Variants in CP observed in about 807,000 individuals in gnomAD.
The protein encoded by CP is caeruloplasmin.
Under a neutral mutation model 122.4 loss-of-function variants are expected in CP, and 64 were observed. The observed-to-expected ratio is 0.52, with a 90% confidence interval of 0.43 to 0.64. The LOEUF (loss-of-function observed/expected upper bound fraction) is 0.64. CP is among the 30% of genes least tolerant of loss of function. CP has a pLI of 0.00. For missense variants in CP, 1,167 were observed against 1,284.4 expected (o/e 0.91, Z 1.40); for synonymous variants, 440 against 436.4 (o/e 1.01, Z -0.10).
At chr3:149,201,557 A>G (rs192469415) in intron 7 of CP, among the ~76,000 whole-genome samples, 1 of 152,068 alleles carries the variant, frequency 6.6e-6, no homozygotes, top group East Asian at 1.9e-4. Context: ...AAAAATAACC[A>G]TTTGAAGTCA....
rs561639955 is a variant in CP, at chr3:149,210,452, A to C, written c.395-73T>G. The C allele has an allele frequency of 4.7e-5, 59 of 1,265,338 alleles. No homozygotes were observed. The African/African-American group carries it at 7.2e-4, about 15-fold the overall frequency. The allele number at this position is 1,265,338 out of a possible 1,614,324, so 78.4% of individuals were successfully genotyped here. A position where few individuals can be genotyped will look rare whatever the true frequency, so the allele number is the denominator to read the frequency against. ...TAAATGAGAGAATAGATAGTCCATT[A>C]ATTCATTCAGCAAACATTTATTAAA... On this transcript the variant is annotated intron_variant, in intron 2 of 18. Coordinates refer to ENST00000264613, the MANE Select transcript of CP (RefSeq NM_000096.4).
intron 7 of CP, among the ~76,000 whole-genome samples, chr3:149,201,026 G>A (rs146484432): frequency 1.3e-5 from 2 of 152,296 alleles, no homozygotes; most frequent in East Asian, 1.9e-4. Flanking sequence ...GTGCCTTGGC[G>A]AGAACAGGTC....
intron 1 of CP, among the ~76,000 whole-genome samples, chr3:149,221,020 C>T (rs1728771327): frequency 6.6e-6 from 1 of 152,068 alleles, no homozygotes; most frequent in Admixed American, 6.6e-5. Context: ...TTTTTGAGGA[C>T]CATCCTAATA....
intron 7 of CP, among the ~76,000 whole-genome samples, chr3:149,201,063 C>A (rs1193745468): frequency 6.6e-6 from 1 of 152,148 alleles, no homozygotes; most frequent in Non-Finnish European, 1.5e-5. Flanking sequence ...GGGCAGCCTG[C>A]GGAGGGCTCT....
At chr3:149,165,105 T>C (rs1000715529) in intron 5 of CP, among the ~76,000 whole-genome samples, 1 of 152,200 alleles carries the variant, frequency 6.6e-6, no homozygotes, top group Non-Finnish European at 1.5e-5. Context: ...GTCTCTTGTC[T>C]CTAGTACTAT....
intron 2 of CP, among the ~76,000 whole-genome samples, chr3:149,211,247 A>G (rs1728080372): frequency 6.6e-6 from 1 of 152,236 alleles, no homozygotes; most frequent in Non-Finnish European, 1.5e-5. Context: ...CGATCATTAT[A>G]ATTTCAATGA....
At position 149,199,834 on chromosome 3, in the gene CP, G is replaced by A. The variant is rs370863732; in HGVS notation, c.1379C>T (p.Thr460Ile). The A allele has an allele frequency of 7.4e-6, 12 of 1,614,094 alleles. No homozygotes were observed. Among genetic ancestry groups the A allele is most frequent in the Non-Finnish European group, 1.0e-5 (12 of 1,179,986 alleles). The change falls in exon 8 of 19, where the codon ACC (threonine) becomes ATC (isoleucine). Residue 460 changes from threonine to isoleucine, a missense_variant. By Grantham distance (89) the Thr-to-Ile change is moderately conservative. Coordinates refer to ENST00000264613, the MANE Select transcript of CP (RefSeq NM_000096.4). ...TTTGTTATGGAAGGTTACTCTGATG[G>A]TGTCTCCCACCTCTGCCCAAATGAC... ...GPVIWAEVGD[T>I]IRVTFHNKGA...
chr3:149,165,208 G>A (rs1724296494), intron 5 of CP, among the ~76,000 whole-genome samples: 1 of 151,982 alleles, frequency 6.6e-6, no homozygotes, highest in South Asian at 2.1e-4. Context: ...GGGGAGCATT[G>A]GACAAGACAG....
chr3:149,198,976 A>T (rs1212250989), intron 8 of CP, among the ~76,000 whole-genome samples: 1 of 152,220 alleles, frequency 6.6e-6, no homozygotes, highest in East Asian at 1.9e-4. Context: ...ATGGAACTGA[A>T]AATTACATTC....
chr3:149,182,030 A>C lies in CP; in HGVS notation c.2529T>G (p.Ser843Arg). 6.8e-7 allele frequency: 1 copy of C among 1,460,772 alleles called. No individual in the cohort carries two copies. Among genetic ancestry groups the C allele is most frequent in the Non-Finnish European group, 9.2e-7 (1 of 1,091,032 alleles). 90.5% of individuals were successfully genotyped at this position (1,460,772 alleles called of 1,614,324 possible). Reference sequence around the variant, plus strand: ...CTGGTAATGTTGGAGTAACTGTAGAACTCTCTGTTTGTACCCCATGGGCAT... The same window carrying C: ...CTGGTAATGTTGGAGTAACTGTAGACCTCTCTGTTTGTACCCCATGGGCAT... ...SIHAHGVQTE[S>R]STVTPTLPGE... The change falls in exon 14 of 19, where the codon AGT becomes AGG. Residue 843 changes from serine (S) to arginine (R), a missense_variant. By Grantham distance (110) the Ser-to-Arg change is moderately radical. This residue lies in a region of CP where 525 missense variants were observed against 657.2 expected (regional missense o/e 0.80). Transcript: ENST00000264613.
intron 9 of CP, among the ~76,000 whole-genome samples, chr3:149,197,934 T>G (rs74831339): frequency 0.1 from 15,296 of 151,650 alleles, 1,295 homozygotes; most frequent in East Asian, 0.42. Flanking sequence ...CCCATGGGGG[T>G]GTGTGTGGGG....
At chr3:149,186,840 A>G in intron 10 of CP, 108 bp from the exon 11 acceptor site, 6 of 995,718 alleles carry the variant, frequency 6.0e-6, no homozygotes, top group South Asian at 1.4e-5. Context: ...TAAAAGACCT[A>G]TTCAGGCTTG....
chr3:149,176,537 G>T, intron 17 of CP, 125 bp from the exon 18 acceptor site: 1 of 778,082 alleles, frequency 1.3e-6, no homozygotes, highest in Non-Finnish European at 2.1e-6. Flanking sequence ...AATCGAGCTC[G>T]TTTCTGTGTT....
At chr3:149,162,720 C>G (rs1317543874) in exon 6 of CP, 1 of 1,613,976 alleles carries the variant, frequency 6.2e-7, no homozygotes, top group Admixed American at 1.7e-5. Context: ...AGATACAATT[C>G]CTCAGCTCTT....
At chr3:149,172,318 T>TCTCA (rs72453449), downstream of CP, 575 of 571,796 alleles carry the variant, frequency 1.0e-3, 19 homozygotes, top group South Asian at 5.4e-3. Flanking sequence ...ATTTTATATA[T>TCTCA]CACACACACA....
At chr3:149,162,989 G>A (rs954681423) in intron 5 of CP, 5 of 934,578 alleles carry the variant, frequency 5.4e-6, no homozygotes, top group African/African-American at 3.3e-5. Context: ...CTATTACCAG[G>A]TATCTTATTT....
At chr3:149,204,359 T>C (rs1727555471) in intron 6 of CP, among the ~76,000 whole-genome samples, 1 of 152,144 alleles carries the variant, frequency 6.6e-6, no homozygotes, top group African/African-American at 2.4e-5. Flanking sequence ...GATGAGTTCA[T>C]AGGTATTGGC....
intron 5 of CP, among the ~76,000 whole-genome samples, chr3:149,207,162 T>C (rs1727789398): frequency 6.6e-6 from 1 of 152,200 alleles, no homozygotes; most frequent in African/African-American, 2.4e-5. Flanking sequence ...CAAAAACTAA[T>C]ATATTTTCAA....
intron 4 of CP, among the ~76,000 whole-genome samples, chr3:149,207,893 C>T (rs1382161096): frequency 6.6e-6 from 1 of 152,034 alleles, no homozygotes; most frequent in African/African-American, 2.4e-5. Context: ...ATAAACTGTA[C>T]ACATTGTGTG....
Sources: gnomAD v4.1 joint callset for allele counts (sites outside exome capture counted in the v4.1 genomes callset) on GRCh38, gnomAD v4.1.1 for gene constraint, gnomAD v4.1.1 regional missense constraint, MANE v1.5 for transcripts, NCBI Gene and HGNC (gene_info 2026-07-23, HGNC 2026-07-21) for gene names.